The following MYO1D variants were observed in gnomAD, a reference collection of about 807,000 sequenced individuals.
MYO1D encodes the protein unconventional myosin-Id.
MYO1D carries 83 observed loss-of-function variants against 122.0 expected under a neutral mutation model. The observed-to-expected ratio is 0.68, with a 90% CI of 0.57 to 0.82. The LOEUF (loss-of-function observed/expected upper bound fraction) is 0.82. Among genes scored for constraint, MYO1D ranks in the 40% least tolerant of loss-of-function variants. The pLI, the probability that MYO1D is intolerant of heterozygous loss-of-function variation, is 0.00. For missense variants in MYO1D, 1,157 were observed against 1,269.5 expected (o/e 0.91, Z 1.35); for synonymous variants, 464 against 446.9 (o/e 1.04, Z -0.48).
At position 32,843,015 on chromosome 17, in the gene MYO1D, A is replaced by C. The variant is rs187188913; in HGVS notation, c.95+33763T>G. On this transcript the variant is annotated intron_variant, in intron 1 of 21. Coordinates refer to ENST00000318217, the MANE Select transcript of MYO1D (RefSeq NM_015194.3). ...GCAATTCTCCTGTCTCAGCCTCCCA[A>C]GTAGCTGGGACTACAGGCACCCGCC... 1.1e-3 allele frequency among the ~76,000 whole-genome samples: 165 copies of C among 151,460 alleles called. 2 individuals carry two copies. The highest frequency in any genetic ancestry group is 2.6e-3 in the Admixed American group (39 of 15,178).
intron 1 of MYO1D, among the ~76,000 whole-genome samples, chr17:32,869,054 CAA>C (rs5820002): frequency 9.8e-4 from 138 of 140,588 alleles, no homozygotes; most frequent in South Asian, 3.0e-3. Flanking sequence ...ACTAAAAATA[CAA>C]AAAAAAAAAA....
intron 20 of MYO1D, among the ~76,000 whole-genome samples, chr17:32,622,813 C>T (rs151129952): frequency 1.3e-5 from 2 of 152,132 alleles, no homozygotes; most frequent in Admixed American, 6.5e-5. Context: ...GGACTTTCCA[C>T]GCATTATTTC....
chr17:32,840,266 A>G (rs775480383), intron 1 of MYO1D, among the ~76,000 whole-genome samples: 6 of 152,220 alleles, frequency 3.9e-5, no homozygotes, highest in Non-Finnish European at 5.9e-5. Flanking sequence ...AATGGCATCT[A>G]AAGGAAGGTT....
intron 21 of MYO1D, among the ~76,000 whole-genome samples, chr17:32,564,296 C>G (rs2087152398): frequency 6.6e-6 from 1 of 152,184 alleles, no homozygotes. Flanking sequence ...TTTCTTTACC[C>G]TCCCTCTGAA....
At chr17:32,856,819 A>C (rs2091031043) in intron 1 of MYO1D, among the ~76,000 whole-genome samples, 1 of 152,136 alleles carries the variant, frequency 6.6e-6, no homozygotes, top group Non-Finnish European at 1.5e-5. Context: ...GATCATCTAA[A>C]TCTCAGAGGC....
chr17:32,509,578 T>C (rs1213237359), intron 21 of MYO1D, among the ~76,000 whole-genome samples: 1 of 152,126 alleles, frequency 6.6e-6, no homozygotes, highest in East Asian at 1.9e-4. Flanking sequence ...GGGCAGATAT[T>C]TCTTTTTTTC....
At chr17:32,816,514 AG>A (rs774770619) in intron 1 of MYO1D, among the ~76,000 whole-genome samples, 17 of 152,360 alleles carry the variant, frequency 1.1e-4, no homozygotes, top group Non-Finnish European at 2.2e-4. Context: ...TGATTGCTGT[AG>A]TACTATTAAA....
At chr17:32,797,330 G>A (rs2090425480) in intron 1 of MYO1D, among the ~76,000 whole-genome samples, 1 of 152,208 alleles carries the variant, frequency 6.6e-6, no homozygotes, top group Admixed American at 6.5e-5. Flanking sequence ...TGTGAAGACT[G>A]TGATGTATTT....
At chr17:32,787,584 A>T (rs1203845053) in intron 1 of MYO1D, among the ~76,000 whole-genome samples, 1 of 151,984 alleles carries the variant, frequency 6.6e-6, no homozygotes, top group Non-Finnish European at 1.5e-5. Flanking sequence ...ACGCCTGGCT[A>T]ATTTTTATAT....
chr17:32,553,363 G>T (rs112191662), intron 21 of MYO1D, among the ~76,000 whole-genome samples: 2 of 152,218 alleles, frequency 1.3e-5, no homozygotes, highest in Non-Finnish European at 1.5e-5. Context: ...TACAGAGGAG[G>T]CGATATTTGA....
At chr17:32,672,875 A>G (rs2088741822) in intron 16 of MYO1D, among the ~76,000 whole-genome samples, 1 of 152,104 alleles carries the variant, frequency 6.6e-6, no homozygotes, top group Non-Finnish European at 1.5e-5. Flanking sequence ...AATAAAGGGC[A>G]GAGATGTGGC....
chr17:32,719,938 T>C (rs766976146), intron 15 of MYO1D, among the ~76,000 whole-genome samples: 1 of 152,192 alleles, frequency 6.6e-6, no homozygotes, highest in African/African-American at 2.4e-5. Context: ...AATAGAGCCT[T>C]TTCCCTGGCT....
At chr17:32,610,729 A>T (rs2055091) in intron 20 of MYO1D, among the ~76,000 whole-genome samples, 77,698 of 151,972 alleles carry the variant, frequency 0.51, 20,447 homozygotes, top group Middle Eastern at 0.58. Context: ...AGTGAAAATA[A>T]GTCAGCAAAA....
intron 12 of MYO1D, among the ~76,000 whole-genome samples, chr17:32,746,294 C>T (rs1172960253): frequency 6.6e-6 from 1 of 152,206 alleles, no homozygotes; most frequent in Non-Finnish European, 1.5e-5. Context: ...AGCTACTCTT[C>T]CAGATAGTTC....
intron 21 of MYO1D, among the ~76,000 whole-genome samples, chr17:32,541,211 A>T (rs983091852): frequency 2.6e-5 from 4 of 152,246 alleles, no homozygotes; most frequent in Non-Finnish European, 5.9e-5. Flanking sequence ...ACAGGTGAAT[A>T]CAATGTGGTC....
chr17:32,512,899 G>A, intron 21 of MYO1D: 1 of 152,390 alleles, frequency 6.6e-6, no homozygotes, highest in Non-Finnish European at 1.5e-5. Flanking sequence ...TTGACAATGA[G>A]TTCAAGATGA....
At chr17:32,555,319 A>G (rs1306263849) in intron 21 of MYO1D, among the ~76,000 whole-genome samples, 1 of 152,114 alleles carries the variant, frequency 6.6e-6, no homozygotes. Context: ...TGTTTGCTCT[A>G]TATTGTTAAG....
chr17:32,518,679 A>G (rs565161400), intron 21 of MYO1D: 2 of 152,364 alleles, frequency 1.3e-5, no homozygotes, highest in Admixed American at 1.3e-4. Flanking sequence ...ATATGAGCCA[A>G]TCTGATGTTT....
At chr17:32,522,108 C>CAAAAAAAAAAAAAAAAAAAAA (rs1910166929) in intron 21 of MYO1D, among the ~76,000 whole-genome samples, 1 of 116,046 alleles carries the variant, frequency 8.6e-6, no homozygotes, top group African/African-American at 3.3e-5. Context: ...AAAAAAAAAG[C>CAAAAAAAAAAAAAAAAAAAAA]AAAACTCAGT....
Sources: gnomAD v4.1 joint callset for allele counts (sites outside exome capture counted in the v4.1 genomes callset) on GRCh38, gnomAD v4.1.1 for gene constraint, MANE v1.5 for transcripts, NCBI Gene and HGNC (gene_info 2026-07-23, HGNC 2026-07-21) for gene names.